Variants in MACROH2A1 observed in about 807,000 individuals in gnomAD.
MACROH2A1 encodes the protein core histone macro-H2A.1.
Under a neutral mutation model 31.6 loss-of-function variants are expected in MACROH2A1, and 2 were observed. The ratio of observed to expected loss-of-function variants is 0.06; its 90% confidence interval spans 0.03 to 0.20. The LOEUF (loss-of-function observed/expected upper bound fraction) is 0.20, where lower values mean the gene tolerates loss of function less well. Ranked by LOEUF, MACROH2A1 falls within the 10% of genes least tolerant of loss-of-function variation. MACROH2A1 has a pLI of 1.00. For synonymous variants in MACROH2A1, 169 were observed against 189.6 expected, an observed-to-expected ratio of 0.89 and a Z score of 0.89; for missense variants, 230 against 474.0, an observed-to-expected ratio of 0.49 and a Z score of 4.78.
At chr5:135,347,636 C>T (rs1186820925) in intron 6 of MACROH2A1, 1 of 152,340 alleles carries the variant, frequency 6.6e-6, no homozygotes, top group Non-Finnish European at 1.5e-5. Flanking sequence ...GGAAGCAGGC[C>T]GGGGGCTTAG....
chr5:135,355,910 G>C (rs1320469532), intron 5 of MACROH2A1: 1 of 152,508 alleles, frequency 6.6e-6, no homozygotes, highest in Non-Finnish European at 1.5e-5. Context: ...TTATCAGCCA[G>C]AGGGGTGTGT....
At chr5:135,368,238 T>A (rs751826885) in intron 4 of MACROH2A1, among the ~76,000 whole-genome samples, 2 of 152,244 alleles carry the variant, frequency 1.3e-5, no homozygotes, top group Non-Finnish European at 2.9e-5. Context: ...TGTCCCTGCA[T>A]GCGGGTGAAA....
At chr5:135,394,569 C>A (rs1767703959) in intron 1 of MACROH2A1, among the ~76,000 whole-genome samples, 1 of 152,162 alleles carries the variant, frequency 6.6e-6, no homozygotes, top group Non-Finnish European at 1.5e-5. Flanking sequence ...TCAGGCTGCC[C>A]CTATTCTTTA....
intron 2 of MACROH2A1, among the ~76,000 whole-genome samples, chr5:135,375,807 G>C (rs1233157364): frequency 6.6e-6 from 1 of 152,230 alleles, no homozygotes; most frequent in Non-Finnish European, 1.5e-5. Context: ...TCTGTTTATT[G>C]TATTTCTTTC....
intron 5 of MACROH2A1, chr5:135,357,696 A>T (rs1299254427): frequency 1.0e-6 from 1 of 981,772 alleles, no homozygotes; most frequent in Non-Finnish European, 1.2e-6. Context: ...TCTTGGCTGA[A>T]CACAAAGCAA....
At chr5:135,386,118 C>T (rs902807871) in intron 2 of MACROH2A1, among the ~76,000 whole-genome samples, 5 of 152,234 alleles carry the variant, frequency 3.3e-5, no homozygotes, top group Non-Finnish European at 5.9e-5. Flanking sequence ...CTAACATCCA[C>T]GTGCTCCCAC....
At chr5:135,374,981 C>G (rs1007564125) in intron 2 of MACROH2A1, among the ~76,000 whole-genome samples, 2 of 152,160 alleles carry the variant, frequency 1.3e-5, no homozygotes, top group African/African-American at 4.8e-5. Flanking sequence ...TACCAATGAC[C>G]AATACTAGAC....
chr5:135,368,832 T>TAAC (rs1763836517), intron 4 of MACROH2A1, among the ~76,000 whole-genome samples: 1 of 152,112 alleles, frequency 6.6e-6, no homozygotes, highest in African/African-American at 2.4e-5. Flanking sequence ...TGACATTAGA[T>TAAC]AACACTAATG....
chr5:135,340,560 C>G (rs866118919), intron 8 of MACROH2A1, among the ~76,000 whole-genome samples: 15 of 152,190 alleles, frequency 9.9e-5, no homozygotes, highest in African/African-American at 3.4e-4. Context: ...GTCCAGATGC[C>G]AGGGCCTCAC....
intron 2 of MACROH2A1, among the ~76,000 whole-genome samples, chr5:135,379,950 G>A (rs966696576): frequency 2.6e-5 from 4 of 151,986 alleles, no homozygotes; most frequent in Non-Finnish European, 5.9e-5. Context: ...CATTTCTAAC[G>A]CCCTACTGTT....
At chr5:135,346,716 G>C (rs1350338492) in intron 6 of MACROH2A1, 2 of 152,272 alleles carry the variant, frequency 1.3e-5, no homozygotes, top group Non-Finnish European at 2.9e-5. Context: ...ATCAGAAGCA[G>C]AGCTTAAAGA....
intron 5 of MACROH2A1, 137 bp downstream of exon 5, chr5:135,360,360 C>A: frequency 1.6e-6 from 1 of 643,358 alleles, no homozygotes; most frequent in Non-Finnish European, 2.7e-6. Context: ...AGGCCACTCC[C>A]AAAGCTCACA....
chr5:135,359,009 A>G (rs1252062957), intron 5 of MACROH2A1: 1 of 985,376 alleles, frequency 1.0e-6, no homozygotes, highest in Middle Eastern at 5.2e-4. Flanking sequence ...CTTTCAGAAG[A>G]TCACAGCAAC....
At position 135,369,477 on chromosome 5, in the gene MACROH2A1, C is replaced by T; in HGVS notation, c.406G>A (p.Ala136Thr). ...GGCTTCTTCTGGGATGGAGACTTGGCCTTTTTGGCTGGGGGTGGTGTGATG... is the reference window on the plus strand; with the variant it reads ...GGCTTCTTCTGGGATGGAGACTTGGTCTTTTTGGCTGGGGGTGGTGTGATG... ...AIITPPPAKK[A>T]KSPSQKKPVS... Residue 136 changes from alanine (A) to threonine (T), a missense_variant, in exon 4 of 9, where the codon GCC (alanine) becomes ACC (threonine). By Grantham distance (58) the Ala-to-Thr change is moderately conservative. Coordinates refer to ENST00000511689, the MANE Select transcript of MACROH2A1 (RefSeq NM_138610.3). The surrounding 1 kb of genome is among the most constrained non-coding windows in gnomAD (Gnocchi z 4.3). 6.2e-7 allele frequency: 1 copy of T among 1,614,180 alleles called. No homozygotes were observed. Among genetic ancestry groups the T allele is most frequent in the African/African-American group, 1.3e-5 (1 of 75,054 alleles).
chr5:135,359,222 GAGA>G lies in MACROH2A1; in HGVS notation c.588+1272_588+1274del, dbSNP rs1189187341. 9 of 985,314 alleles carry G rather than the reference GAGA, an allele frequency of 9.1e-6. No homozygotes were observed. The African/African-American group carries it at 1.4e-4, about 15-fold the overall frequency. 61.0% of individuals were successfully genotyped at this position (985,314 alleles called of 1,614,324 possible). ...CTAAGGGCAGAGTGGGGAAAAGAGG[GAGA>G]AGGTGACCCCAAGGGCTGAACTGCT... On this transcript the variant is annotated intron_variant, in intron 5 of 8. Transcript: ENST00000511689.
rs1768425974 is a variant in MACROH2A1 at position 135,398,810 on chromosome 5, G to A, written c.-34+252C>T. 6.6e-6 allele frequency among the ~76,000 whole-genome samples: 1 copy of A among 152,222 alleles called. No individual in the cohort carries two copies. ...AGCGCCCAGGCGCGGGCAGGGGGATGCGTTTCGAAGAGAAGTTGGTTTCCA... is the reference window on the plus strand; with the variant it reads ...AGCGCCCAGGCGCGGGCAGGGGGATACGTTTCGAAGAGAAGTTGGTTTCCA... On this transcript the variant is annotated intron_variant, in intron 1 of 8. Transcript: ENST00000511689. The surrounding 1 kb of genome is among the most constrained non-coding windows in gnomAD (Gnocchi z 4.6).
intron 5 of MACROH2A1, chr5:135,359,066 G>C (rs1762522122): frequency 1.0e-6 from 1 of 985,282 alleles, no homozygotes; most frequent in South Asian, 4.7e-5. Flanking sequence ...AGCCATATTT[G>C]CTGCTACTTT....
rs746307038 is a variant in MACROH2A1, at chr5:135,343,249, T to C, written c.953+11A>G. Reference sequence around the variant, plus strand: ...ACCCATGACCGATACGTAACAAGCATGTGCCCCTACCTGCCGCTGCCGATG... The same window carrying C: ...ACCCATGACCGATACGTAACAAGCACGTGCCCCTACCTGCCGCTGCCGATG... On this transcript the variant is annotated intron_variant, in intron 8 of 8. Coordinates refer to ENST00000511689, the MANE Select transcript of MACROH2A1 (RefSeq NM_138610.3). 2.5e-6 allele frequency: 4 copies of C among 1,613,738 alleles called. No homozygotes were observed. The highest frequency in any genetic ancestry group is 2.2e-5 in the East Asian group (1 of 44,898).
At chr5:135,384,186 C>G (rs1341039670) in intron 2 of MACROH2A1, among the ~76,000 whole-genome samples, 1 of 152,116 alleles carries the variant, frequency 6.6e-6, no homozygotes, top group African/African-American at 2.4e-5. Flanking sequence ...ATCAGTGTAA[C>G]AGGATGTGCT....
Sources: allele counts gnomAD v4.1 joint callset (sites outside exome capture counted in the v4.1 genomes callset), GRCh38; gene constraint gnomAD v4.1.1; non-coding constraint Gnocchi (gnomAD v3.1); transcripts MANE v1.5; gene names NCBI Gene and HGNC (gene_info 2026-07-23, HGNC 2026-07-21).